Variants in RBFOX1 observed in about 807,000 individuals in gnomAD.
RBFOX1 encodes the protein RNA binding fox-1 homolog 1, also known as RNA binding protein fox-1 homolog 1.
RBFOX1 carries 8 observed loss-of-function variants against 57.7 expected under a neutral mutation model. That is an observed-to-expected ratio of 0.14 (90% CI 0.08 to 0.25). The LOEUF (loss-of-function observed/expected upper bound fraction) is 0.25, where lower values mean the gene tolerates loss of function less well. RBFOX1 is among the 10% of genes least tolerant of loss of function. RBFOX1 has a pLI of 1.00. For missense variants in RBFOX1, 611 were observed against 548.5 expected (o/e 1.11, Z -1.14); for synonymous variants, 326 against 222.4 (o/e 1.47, Z -4.15).
intron 4 of RBFOX1, among the ~76,000 whole-genome samples, chr16:6,003,036 T>A (rs2060628387): frequency 6.6e-6 from 1 of 152,000 alleles, no homozygotes; most frequent in South Asian, 2.1e-4. Context: ...TCCCAACACT[T>A]TGGGAGGCTG....
At chr16:7,189,042 G>A (rs992265529) in intron 4 of RBFOX1, among the ~76,000 whole-genome samples, 10 of 152,020 alleles carry the variant, frequency 6.6e-5, no homozygotes, top group Admixed American at 2.0e-4. Flanking sequence ...GAGGTGATAC[G>A]GAGTGATTTC....
intron 1 of RBFOX1, 99 bp downstream of exon 1, chr16:6,020,091 G>A (rs1393335698): frequency 2.2e-5 from 28 of 1,287,072 alleles, no homozygotes; most frequent in Non-Finnish European, 2.7e-5. Context: ...CCGAGAACTG[G>A]CCTCCTCCTA....
intron 13 of RBFOX1, among the ~76,000 whole-genome samples, chr16:7,670,002 G>C (rs950471823): frequency 1.3e-5 from 2 of 152,090 alleles, no homozygotes; most frequent in African/African-American, 2.4e-5. Context: ...TTGAAACAAG[G>C]AATCTTACCT....
intron 1 of RBFOX1, among the ~76,000 whole-genome samples, chr16:6,148,808 C>T (rs951950248): frequency 3.9e-5 from 6 of 152,172 alleles, no homozygotes; most frequent in Non-Finnish European, 7.3e-5. Context: ...GGGATGTTTT[C>T]CCTAGAGATT....
intron 3 of RBFOX1, among the ~76,000 whole-genome samples, chr16:6,941,582 A>C (rs7206360): frequency 0.43 from 64,873 of 151,396 alleles, 14,515 homozygotes; most frequent in East Asian, 0.67. Context: ...CCAACAGGGA[A>C]TCTCCTCTAC....
chr16:7,682,968 C>T (rs1159638666), intron 14 of RBFOX1, among the ~76,000 whole-genome samples: 1 of 43,206 alleles, frequency 2.3e-5, no homozygotes, highest in African/African-American at 1.1e-4. Context: ...ACAAAGCACA[C>T]ATGCCAGATA....
intron 4 of RBFOX1, among the ~76,000 whole-genome samples, chr16:5,985,481 C>G (rs2060268075): frequency 6.6e-6 from 1 of 151,994 alleles, no homozygotes; most frequent in African/African-American, 2.4e-5. Context: ...AGTGATGGGC[C>G]CAAAGCCACA....
intron 1 of RBFOX1, among the ~76,000 whole-genome samples, chr16:6,256,867 A>C (rs192836746): frequency 6.6e-6 from 1 of 152,232 alleles, no homozygotes; most frequent in East Asian, 1.9e-4. Flanking sequence ...GGATGGATAG[A>C]AGGCATATGA....
intron 4 of RBFOX1, among the ~76,000 whole-genome samples, chr16:7,173,134 T>C (rs1213350555): frequency 6.6e-6 from 1 of 152,228 alleles, no homozygotes; most frequent in African/African-American, 2.4e-5. Context: ...TATTCATATT[T>C]CATAAAATCT....
At chr16:6,802,781 G>T (rs1384679068) in intron 3 of RBFOX1, among the ~76,000 whole-genome samples, 1 of 152,198 alleles carries the variant, frequency 6.6e-6, no homozygotes, top group Non-Finnish European at 1.5e-5. Flanking sequence ...ATTGTTAGAT[G>T]ATACTCTTGA....
chr16:6,709,459 A>G (rs1016720173), intron 3 of RBFOX1, among the ~76,000 whole-genome samples: 3 of 152,232 alleles, frequency 2.0e-5, no homozygotes, highest in African/African-American at 7.2e-5. Context: ...AGTTCTTCAT[A>G]CAATATAGCT....
intron 3 of RBFOX1, among the ~76,000 whole-genome samples, chr16:5,654,477 C>T (rs938858632): frequency 1.3e-5 from 2 of 152,116 alleles, no homozygotes; most frequent in African/African-American, 4.8e-5. Context: ...ACGTTCTCAC[C>T]TGTCCTTCTT....
intron 3 of RBFOX1, among the ~76,000 whole-genome samples, chr16:6,708,210 G>T (rs1376144437): frequency 6.6e-6 from 1 of 151,970 alleles, no homozygotes; most frequent in East Asian, 1.9e-4. Context: ...TTGTTGTTGA[G>T]TCCTCCCTAA....
chr16:5,586,188 C>T (rs368237258), intron 2 of RBFOX1, among the ~76,000 whole-genome samples: 17 of 152,258 alleles, frequency 1.1e-4, no homozygotes, highest in African/African-American at 4.1e-4. Flanking sequence ...AATTATCCCA[C>T]AGAACTTCTA....
chr16:6,658,730 G>A (rs114967877), intron 3 of RBFOX1, among the ~76,000 whole-genome samples: 2,368 of 152,134 alleles, frequency 0.016, 63 homozygotes, highest in African/African-American at 0.053. Context: ...AATGTGTATT[G>A]GAGTGTGGCT....
intron 6 of RBFOX1, among the ~76,000 whole-genome samples, chr16:7,580,221 G>A (rs367755756): frequency 2.0e-5 from 3 of 152,068 alleles, no homozygotes; most frequent in Non-Finnish European, 4.4e-5. Flanking sequence ...CCTATTGATG[G>A]TCCTAAATCC....
intron 2 of RBFOX1, among the ~76,000 whole-genome samples, chr16:6,390,620 A>T (rs1023395252): frequency 1.8e-4 from 27 of 152,210 alleles, no homozygotes; most frequent in African/African-American, 6.5e-4. Context: ...ATAAACTATG[A>T]ATTAAAATTA....
chr16:6,312,522 G>C (rs1440363427), intron 1 of RBFOX1, among the ~76,000 whole-genome samples: 5 of 152,096 alleles, frequency 3.3e-5, no homozygotes, highest in African/African-American at 1.2e-4. Context: ...CTTACTAATG[G>C]AGCCAGGATC....
At position 7,107,007 on chromosome 16, in the gene RBFOX1, A is replaced by ACACACACACACT. The variant is rs1491013878; in HGVS notation, c.27+54910_27+54911insACACACACACTC. On this transcript the variant is annotated intron_variant, in intron 4 of 15. Transcript: ENST00000550418. Reference sequence around the variant, plus strand: ...AAAACACACACACACACACACACACACTAAATGAACAAATGCATAATTGCA... The same window carrying ACACACACACACT: ...AAAACACACACACACACACACACACACACACACACACTCTAAATGAACAAATGCATAATTGCA... Among the ~76,000 whole-genome samples, 358 of 151,540 alleles carry ACACACACACACT rather than the reference A, an allele frequency of 2.4e-3. 2 individuals are homozygous for ACACACACACACT. Among genetic ancestry groups the ACACACACACACT allele is most frequent in the African/African-American group, 8.3e-3 (340 of 41,048 alleles).
Sources: allele counts gnomAD v4.1 joint callset (sites outside exome capture counted in the v4.1 genomes callset), GRCh38; gene constraint gnomAD v4.1.1; transcripts MANE v1.5; gene names NCBI Gene and HGNC (gene_info 2026-07-23, HGNC 2026-07-21).